Variants in PARD3B observed in about 807,000 individuals in gnomAD.
PARD3B encodes par-3 family cell polarity regulator beta.
In PARD3B, 103 loss-of-function variants were observed where a neutral mutation model predicts 130.2. That is an observed-to-expected ratio of 0.79 (90% confidence interval 0.67 to 0.93). The LOEUF (loss-of-function observed/expected upper bound fraction) is 0.93, where lower values mean the gene tolerates loss of function less well. Ranked by LOEUF, PARD3B falls within the 40% of genes least tolerant of loss-of-function variation. The pLI, the probability that PARD3B is intolerant of heterozygous loss-of-function variation, is 0.00. For synonymous variants in PARD3B, 583 were observed against 553.2 expected (o/e 1.05, Z -0.76); for missense variants, 1,609 against 1,499.2 (o/e 1.07, Z -1.21).
In PARD3B at chr2:205,550,302, T is replaced by G. The variant is rs1348284593; in HGVS notation, c.3181-3022T>G. On this transcript the variant is annotated intron_variant, in intron 21 of 22. Coordinates refer to ENST00000406610, the MANE Select transcript of PARD3B (RefSeq NM_001302769.2). This position sits in a 1 kb window ranked among gnomAD's most constrained non-coding sequence, Gnocchi z 4.5. ...CTGCGGACTCCCACTGCCTCCTTCC[T>G]CAGACTTCCACAGTGATCTCATTGT... 1.3e-5 allele frequency among the ~76,000 whole-genome samples: 2 copies of G among 152,178 alleles called. No homozygotes were observed. The highest frequency in any genetic ancestry group is 2.9e-5 in the Non-Finnish European group (2 of 68,038).
intron 3 of PARD3B, among the ~76,000 whole-genome samples, chr2:205,013,071 C>T (rs979708008): frequency 1.6e-4 from 24 of 152,330 alleles, no homozygotes; most frequent in African/African-American, 5.1e-4. Flanking sequence ...CTTGCTCACA[C>T]GCTGTCCCTA....
At chr2:205,538,556 T>TA (rs1305423247) in intron 21 of PARD3B, among the ~76,000 whole-genome samples, 2 of 152,142 alleles carry the variant, frequency 1.3e-5, no homozygotes, top group Non-Finnish European at 1.5e-5. Flanking sequence ...ACATATAGTG[T>TA]AAAAAAAGAC....
chr2:205,132,678 C>G (rs2032112285), intron 10 of PARD3B, among the ~76,000 whole-genome samples: 2 of 152,094 alleles, frequency 1.3e-5, no homozygotes, highest in African/African-American at 4.8e-5. Flanking sequence ...AGAAATAGTC[C>G]TTAAGATGCC....
chr2:205,315,854 T>G (rs919053641), intron 18 of PARD3B, among the ~76,000 whole-genome samples: 2 of 152,188 alleles, frequency 1.3e-5, no homozygotes, highest in Admixed American at 1.3e-4. Context: ...TATGAATTCT[T>G]TGATTTGCAT....
chr2:204,580,698 A>G (rs1407439778), intron 1 of PARD3B, among the ~76,000 whole-genome samples: 1 of 152,136 alleles, frequency 6.6e-6, no homozygotes, highest in Non-Finnish European at 1.5e-5. Context: ...CTATATAAGT[A>G]TTGTCCACGT....
At chr2:205,350,184 G>C (rs2043946394) in intron 18 of PARD3B, among the ~76,000 whole-genome samples, 1 of 152,194 alleles carries the variant, frequency 6.6e-6, no homozygotes, top group Non-Finnish European at 1.5e-5. Flanking sequence ...AACATGTGTT[G>C]AACATTATTC....
intron 3 of PARD3B, among the ~76,000 whole-genome samples, chr2:205,006,232 G>C (rs1695256704): frequency 6.6e-6 from 1 of 152,144 alleles, no homozygotes; most frequent in African/African-American, 2.4e-5. Flanking sequence ...ACTTTAGGTT[G>C]GTTCCGTATC....
intron 18 of PARD3B, among the ~76,000 whole-genome samples, chr2:205,331,354 C>T (rs1324086047): frequency 6.6e-6 from 1 of 151,820 alleles, no homozygotes; most frequent in African/African-American, 2.4e-5. Context: ...TCTCTTAAAC[C>T]CCTGAGCAGG....
At chr2:205,218,890 C>T (rs1417434672) in intron 15 of PARD3B, among the ~76,000 whole-genome samples, 1 of 151,966 alleles carries the variant, frequency 6.6e-6, no homozygotes, top group African/African-American at 2.4e-5. Context: ...GACCAGCCTG[C>T]CCAACATGGT....
At chr2:205,252,489 C>T (rs925678683) in intron 16 of PARD3B, among the ~76,000 whole-genome samples, 13 of 152,182 alleles carry the variant, frequency 8.5e-5, no homozygotes, top group African/African-American at 2.9e-4. Flanking sequence ...ATGGCTGTCA[C>T]GTTTCAGAAA....
At chr2:205,095,643 G>C (rs1702349935) in intron 4 of PARD3B, among the ~76,000 whole-genome samples, 1 of 152,124 alleles carries the variant, frequency 6.6e-6, no homozygotes, top group African/African-American at 2.4e-5. Flanking sequence ...AAATGAAACA[G>C]AATTCCCTCT....
At position 204,950,026 on chromosome 2, in the gene PARD3B, ATAGC is replaced by A. The variant is rs542809663; in HGVS notation, c.223-15121_223-15118del. Among the ~76,000 whole-genome samples the A allele has an allele frequency of 1.8e-3, 269 of 152,350 alleles. 2 individuals are homozygous for A. Among genetic ancestry groups the A allele is most frequent in the African/African-American group, 6.0e-3 (249 of 41,574 alleles). On this transcript the variant is annotated intron_variant, in intron 2 of 22. Coordinates refer to ENST00000406610, the MANE Select transcript of PARD3B (RefSeq NM_001302769.2). ...AATAATGATAGTGATGATTACAATAATAGCTAGCATTAAATGAGCAATTCCTTCA... is the reference window on the plus strand; with the variant it reads ...AATAATGATAGTGATGATTACAATAATAGCATTAAATGAGCAATTCCTTCA...
At position 205,447,647 on chromosome 2, in the gene PARD3B, G is replaced by A. The variant is rs574959050; in HGVS notation, c.3044+6975G>A. Among the ~76,000 whole-genome samples, 272 of 152,290 alleles carry A rather than the reference G, an allele frequency of 1.8e-3. 1 individual carries two copies. The highest frequency in any genetic ancestry group is 6.3e-3 in the African/African-American group (261 of 41,574). On this transcript the variant is annotated intron_variant, in intron 20 of 22. Coordinates refer to ENST00000406610, the MANE Select transcript of PARD3B (RefSeq NM_001302769.2). ...CCACCTGGGCCTCCCAAAGTGCTAG[G>A]ATTATGGGCGTGAGCCACCGCACCC...
At chr2:204,577,555 G>A (rs1413551064) in intron 1 of PARD3B, among the ~76,000 whole-genome samples, 1 of 151,946 alleles carries the variant, frequency 6.6e-6, no homozygotes, top group African/African-American at 2.4e-5. Flanking sequence ...GTTTTTAAAG[G>A]GTTTTCTCAC....
At chr2:204,894,573 T>G (rs1386374446) in intron 2 of PARD3B, among the ~76,000 whole-genome samples, 2 of 152,180 alleles carry the variant, frequency 1.3e-5, no homozygotes, top group African/African-American at 2.4e-5. Context: ...ATGGAGCTTA[T>G]TATAGTAAAT....
At chr2:205,252,669 G>T (rs1252789501) in intron 16 of PARD3B, among the ~76,000 whole-genome samples, 3 of 152,072 alleles carry the variant, frequency 2.0e-5, no homozygotes, top group African/African-American at 7.2e-5. Flanking sequence ...AAGAGAAAGT[G>T]ACAAGATACC....
chr2:205,016,845 T>C (rs1696185409), intron 3 of PARD3B, among the ~76,000 whole-genome samples: 1 of 152,132 alleles, frequency 6.6e-6, no homozygotes, highest in South Asian at 2.1e-4. Flanking sequence ...GGCCACACAT[T>C]CTGCTCTTAA....
At chr2:205,553,627 G>A (rs926752221) in intron 22 of PARD3B, among the ~76,000 whole-genome samples, 10 of 152,120 alleles carry the variant, frequency 6.6e-5, no homozygotes, top group East Asian at 1.9e-4. Context: ...GCAATTGAAC[G>A]TGTCAGCAAG....
intron 2 of PARD3B, among the ~76,000 whole-genome samples, chr2:204,801,635 A>G (rs562986930): frequency 6.6e-6 from 1 of 152,286 alleles, no homozygotes; most frequent in Non-Finnish European, 1.5e-5. Flanking sequence ...TAAATATACA[A>G]TCATGTCATC....
Sources: gnomAD v4.1 joint callset for allele counts (sites outside exome capture counted in the v4.1 genomes callset) on GRCh38, gnomAD v4.1.1 for gene constraint, Gnocchi (gnomAD v3.1) non-coding constraint, MANE v1.5 for transcripts, NCBI Gene and HGNC (gene_info 2026-07-23, HGNC 2026-07-21) for gene names.